UNK: variants seen among roughly 807,000 people sequenced by gnomAD.
UNK encodes RING finger protein unkempt homolog.
Under a neutral mutation model 97.6 loss-of-function variants are expected in UNK, and 32 were observed. That is an observed-to-expected ratio of 0.33 (90% confidence interval 0.25 to 0.44). The LOEUF is 0.44. Ranked by LOEUF, UNK falls within the 20% of genes least tolerant of loss-of-function variation. UNK has a pLI of 1.00. For synonymous variants in UNK, 441 were observed against 461.2 expected (o/e 0.96, Z 0.56); for missense variants, 771 against 1,098.4 (o/e 0.70, Z 4.21).
chr17:75,817,439 C>T lies in UNK; in HGVS notation c.1218C>T (p.Gly406=), dbSNP rs1281135138. Residue 406 remains glycine (G), a synonymous_variant, in exon 9 of 16, where the codon GGC becomes GGT. Coordinates refer to ENST00000589666, the MANE Select transcript of UNK (RefSeq NM_001080419.3). This position sits in a 1 kb window ranked among gnomAD's most constrained non-coding sequence, Gnocchi z 5.8. ...GCATCGTCTTCCCTGGGGAGTCTGG[C>T]CTGGCCCCTGGCAGCTATAAGAAGG... is the stretch of plus-strand genomic sequence containing the variant. ...LEGIVFPGES[G]LAPGSYKKAP... The T allele has an allele frequency of 3.7e-6, 6 of 1,613,166 alleles. No homozygotes were observed. Among genetic ancestry groups the T allele is most frequent in the Non-Finnish European group, 5.1e-6 (6 of 1,179,632 alleles).
chr17:75,822,918 T>A (rs980187508), intron 14 of UNK, among the ~76,000 whole-genome samples: 3 of 152,162 alleles, frequency 2.0e-5, no homozygotes, highest in Admixed American at 2.0e-4. Context: ...CTCCTCCCAG[T>A]AGCCTCGCCT....
chr17:75,819,828 G>T lies in UNK; in HGVS notation c.1648+43G>T. On this transcript the variant is annotated intron_variant, in intron 12 of 15. Coordinates refer to ENST00000589666, the MANE Select transcript of UNK (RefSeq NM_001080419.3). The surrounding 1 kb of genome is among the most constrained non-coding windows in gnomAD (Gnocchi z 5.4). ...GCAGGGCAGCCTGGAGGACTCCTCG[G>T]GTTCCTGCCTGGCTCAGGCCCCTTG... is the stretch of plus-strand genomic sequence containing the variant. The T allele has an allele frequency of 6.2e-7, 1 of 1,611,948 alleles. No homozygotes were observed.
chr17:75,796,022 G>GCA (rs2061802610), intron 1 of UNK, among the ~76,000 whole-genome samples: 1 of 152,182 alleles, frequency 6.6e-6, no homozygotes, highest in Non-Finnish European at 1.5e-5. Context: ...GTGTGTGTGT[G>GCA]CACGGGCGTG....
intron 13 of UNK, chr17:75,821,280 A>G (rs1286301957): frequency 7.3e-6 from 3 of 412,230 alleles, no homozygotes; most frequent in South Asian, 3.4e-5. Flanking sequence ...CCATGTGACT[A>G]TTGAGCACAG....
In UNK at chr17:75,818,723, C is replaced by T. The variant is rs2062039298; in HGVS notation, c.1453C>T (p.Pro485Ser). 3 of 1,613,204 alleles carry T rather than the reference C, an allele frequency of 1.9e-6. No homozygotes were observed. The highest frequency in any genetic ancestry group is 1.7e-6 in the Non-Finnish European group (2 of 1,179,534). The stretch of plus-strand genomic sequence containing the variant: ...TATCACCTCCAGCCTGGCAGCTACC[C>T]CCCCTAGCCCAGTGGGCACCAGCAG... ...SSITSSLAAT[P>S]PSPVGTSSVP... Residue 485 changes from proline (P) to serine (S), a missense_variant, in exon 11 of 16, where the codon CCC becomes TCC. Physicochemically the swap from Pro to Ser is moderately conservative, Grantham distance 74 (BLOSUM62 -1). Coordinates refer to ENST00000589666, the MANE Select transcript of UNK (RefSeq NM_001080419.3). The surrounding 1 kb of genome is among the most constrained non-coding windows in gnomAD (Gnocchi z 5.1).
In UNK at chr17:75,816,199, C is replaced by G. The variant is rs921652959; in HGVS notation, c.962-571C>G. ...TGATACTGTAGGCCGCCACCAGTCT[C>G]AGAGACAGAGCTCCAGTTTGTACCT... On this transcript the variant is annotated intron_variant, in intron 7 of 15. Transcript: ENST00000589666. The surrounding 1 kb of genome is among the most constrained non-coding windows in gnomAD (Gnocchi z 4.0). Among the ~76,000 whole-genome samples, 3 of 152,200 alleles carry G rather than the reference C, an allele frequency of 2.0e-5. No individual in the cohort carries two copies. Among genetic ancestry groups the G allele is most frequent in the African/African-American group, 7.2e-5 (3 of 41,454 alleles).
chr17:75,811,577 C>T (rs12603934), intron 2 of UNK, among the ~76,000 whole-genome samples: 5,551 of 152,324 alleles, frequency 0.036, 392 homozygotes, highest in East Asian at 0.35. Context: ...GAATGCCAGG[C>T]CCTGTTGGGC....
chr17:75,813,055 C>G (rs2061984782), intron 4 of UNK, 23 bp from the exon 5 acceptor site: 1 of 1,574,004 alleles, frequency 6.4e-7, no homozygotes, highest in Middle Eastern at 1.7e-4. Context: ...CACCTGACCC[C>G]TGCCCTCTGG....
In UNK at chr17:75,824,324, G is replaced by A; in HGVS notation, c.2340G>A (p.Leu780=). Residue 780 remains leucine, a synonymous_variant, in exon 16 of 16, where the codon CTG becomes CTA. Transcript: ENST00000589666. The surrounding 1 kb of genome is among the most constrained non-coding windows in gnomAD (Gnocchi z 4.9). ...GTCAGGAACAGAAGCGGGCAGTGCT[G>A]CCGTGCCAACACGCTGCGCTGTGTG... ...LKCQEQKRAV[L]PCQHAALCEL... 2 of 1,604,884 alleles carry A rather than the reference G, an allele frequency of 1.2e-6. No individual in the cohort carries two copies. The highest frequency in any genetic ancestry group is 2.7e-5 in the African/African-American group (2 of 74,434).
In UNK at chr17:75,817,836, G is replaced by A. The variant is rs2062030937; in HGVS notation, c.1306-267G>A. 6.6e-6 allele frequency among the ~76,000 whole-genome samples: 1 copy of A among 152,126 alleles called. No homozygotes were observed. The highest frequency in any genetic ancestry group is 1.5e-5 in the Non-Finnish European group (1 of 68,006). On this transcript the variant is annotated intron_variant, in intron 9 of 15. Coordinates refer to ENST00000589666, the MANE Select transcript of UNK (RefSeq NM_001080419.3). This position sits in a 1 kb window ranked among gnomAD's most constrained non-coding sequence, Gnocchi z 5.8. Reference sequence around the variant, plus strand: ...TGGAAAGACAGGGCCTGGGGAAGCAGGACACAGGGGTCCCTAACTGGGCCT... The same window carrying A: ...TGGAAAGACAGGGCCTGGGGAAGCAAGACACAGGGGTCCCTAACTGGGCCT...
intron 1 of UNK, chr17:75,785,701 G>C (rs1205464062): frequency 2.6e-5 from 4 of 152,086 alleles, no homozygotes; most frequent in Admixed American, 2.6e-4. Flanking sequence ...ACCTCTTCCT[G>C]GAAGTCTTGC....
intron 1 of UNK, among the ~76,000 whole-genome samples, chr17:75,787,480 A>G (rs551398995): frequency 8.6e-5 from 13 of 150,596 alleles, no homozygotes; most frequent in Non-Finnish European, 1.8e-4. Flanking sequence ...TTGGCCTCCC[A>G]AAGTGCTGGG....
At position 75,819,535 on chromosome 17, in the gene UNK, T is replaced by C. The variant is rs1417776001; in HGVS notation, c.1547-149T>C. 1.0e-5 allele frequency: 7 copies of C among 688,304 alleles called. No homozygotes were observed. The East Asian group carries it at 1.1e-4, about 11-fold the overall frequency. 42.6% of individuals were successfully genotyped at this position (688,304 alleles called of 1,614,324 possible). The stretch of plus-strand genomic sequence containing the variant: ...CAGAAGTCAGGAGTCAGGATTGGCA[T>C]AGGAAGCAGCTGAAGGAAGGGCACA... On this transcript the variant is annotated intron_variant, in intron 11 of 15. Coordinates refer to ENST00000589666, the MANE Select transcript of UNK (RefSeq NM_001080419.3). This position sits in a 1 kb window ranked among gnomAD's most constrained non-coding sequence, Gnocchi z 5.4.
chr17:75,794,448 C>T (rs2143691058), intron 1 of UNK, among the ~76,000 whole-genome samples: 1 of 152,158 alleles, frequency 6.6e-6, no homozygotes, highest in Non-Finnish European at 1.5e-5. Flanking sequence ...ACCAGCCTGG[C>T]CAACATAGTG....
intron 1 of UNK, among the ~76,000 whole-genome samples, chr17:75,789,037 T>C (rs1291683813): frequency 6.6e-6 from 1 of 152,196 alleles, no homozygotes; most frequent in African/African-American, 2.4e-5. Flanking sequence ...ATTAAAGTTC[T>C]TAGAGTTTGA....
At chr17:75,790,350 A>C (rs1018503997) in intron 1 of UNK, among the ~76,000 whole-genome samples, 1 of 152,016 alleles carries the variant, frequency 6.6e-6, no homozygotes, top group African/African-American at 2.4e-5. Flanking sequence ...ACCATCTGAA[A>C]TATCCAGCTG....
chr17:75,805,617 C>T (rs896368505), intron 1 of UNK, among the ~76,000 whole-genome samples: 2 of 150,874 alleles, frequency 1.3e-5, no homozygotes, highest in Non-Finnish European at 3.0e-5. Flanking sequence ...GGTAACATAG[C>T]GAGATCTTAT....
At chr17:75,811,206 C>T (rs1482450831) in intron 2 of UNK, among the ~76,000 whole-genome samples, 1 of 152,190 alleles carries the variant, frequency 6.6e-6, no homozygotes, top group Non-Finnish European at 1.5e-5. Flanking sequence ...CCGCCTCGGC[C>T]TCCCACAAGT....
rs1309176344 is a variant in UNK at position 75,822,518 on chromosome 17, T to A, written c.1879T>A (p.Ser627Thr). 1 of 1,613,492 alleles carries A rather than the reference T, an allele frequency of 6.2e-7. No individual in the cohort carries two copies. Among genetic ancestry groups the A allele is most frequent in the Non-Finnish European group, 8.5e-7 (1 of 1,179,780 alleles). The change falls in exon 14 of 16, where the codon TCT becomes ACT. Residue 627 changes from serine (S) to threonine (T), a missense_variant. Transcript: ENST00000589666. ...MNSSIWEHFA[S>T]GSFSPGTSPA... ...CAGCAGCATCTGGGAGCATTTTGCC[T>A]CTGGAAGCTTCTCCCCGGGCACTTC...
Sources: allele counts gnomAD v4.1 joint callset (sites outside exome capture counted in the v4.1 genomes callset), GRCh38; gene constraint gnomAD v4.1.1; non-coding constraint Gnocchi (gnomAD v3.1); transcripts MANE v1.5; gene names NCBI Gene and HGNC (gene_info 2026-07-23, HGNC 2026-07-21).